The following VAV2 variants were observed in gnomAD, a reference collection of about 807,000 sequenced individuals.
VAV2 encodes the protein guanine nucleotide exchange factor VAV2.
A neutral mutation model predicts 132.5 loss-of-function variants in VAV2; 67 were observed. That is an observed-to-expected ratio of 0.51 (90% CI 0.42 to 0.62). The LOEUF is 0.62. Ranked by LOEUF, VAV2 falls within the 20% of genes least tolerant of loss-of-function variation. The pLI, the probability that VAV2 is intolerant of heterozygous loss-of-function variation, is 0.00. For missense variants in VAV2, 938 were observed against 1,153.6 expected, an observed-to-expected ratio of 0.81 and a Z score of 2.71; for synonymous variants, 492 against 443.5, an observed-to-expected ratio of 1.11 and a Z score of -1.37.
In VAV2 at chr9:133,879,593, C is replaced by A. The variant is rs1381369615; in HGVS notation, c.322-18161G>T. On this transcript the variant is annotated intron_variant, in intron 2 of 29. Transcript: ENST00000371850. This position sits in a 1 kb window ranked among gnomAD's most constrained non-coding sequence, Gnocchi z 4.4. ...TGACATTACAGACCCACAGGGCAAC[C>A]AAGTGCACATCTGAGTCCTCTGCCA... Among the ~76,000 whole-genome samples the A allele has an allele frequency of 1.3e-5, 2 of 152,172 alleles. No homozygotes were observed. The highest frequency in any genetic ancestry group is 4.8e-5 in the African/African-American group (2 of 41,444).
chr9:133,936,584 C>G (rs939299986), intron 2 of VAV2, among the ~76,000 whole-genome samples: 1 of 152,210 alleles, frequency 6.6e-6, no homozygotes, highest in Non-Finnish European at 1.5e-5. Flanking sequence ...GAGAGAAAAA[C>G]AGTAGGCACT....
chr9:133,862,897 C>T (rs1220473127), intron 2 of VAV2, among the ~76,000 whole-genome samples: 1 of 152,190 alleles, frequency 6.6e-6, no homozygotes, highest in African/African-American at 2.4e-5. Context: ...ATAGAGACGG[C>T]GGGTTCGACC....
chr9:133,936,102 A>G (rs1840898758), intron 2 of VAV2, among the ~76,000 whole-genome samples: 1 of 152,072 alleles, frequency 6.6e-6, no homozygotes, highest in African/African-American at 2.4e-5. Flanking sequence ...CCATTTTACA[A>G]ATGGGACTTG....
At chr9:133,811,147 C>T (rs528412673) in intron 5 of VAV2, among the ~76,000 whole-genome samples, 1 of 152,324 alleles carries the variant, frequency 6.6e-6, no homozygotes, top group South Asian at 2.1e-4. Context: ...GGGGAGACCC[C>T]CCGGTTATGG....
chr9:133,898,891 G>A (rs1033639671), intron 2 of VAV2, among the ~76,000 whole-genome samples: 3 of 140,938 alleles, frequency 2.1e-5, no homozygotes, highest in Non-Finnish European at 4.5e-5. Context: ...GCGCAATCTC[G>A]GCTCACTGCA....
At chr9:133,899,546 G>A (rs1839356441) in intron 2 of VAV2, among the ~76,000 whole-genome samples, 1 of 151,624 alleles carries the variant, frequency 6.6e-6, no homozygotes, top group East Asian at 2.0e-4. Context: ...GTAGCAAGAA[G>A]CTGGGATTAC....
At chr9:133,859,346 G>C (rs1288119866) in intron 3 of VAV2, among the ~76,000 whole-genome samples, 1 of 152,220 alleles carries the variant, frequency 6.6e-6, no homozygotes, top group African/African-American at 2.4e-5. Flanking sequence ...GGCACAGCTG[G>C]GACCCAGGAC....
intron 1 of VAV2, among the ~76,000 whole-genome samples, chr9:133,954,091 G>C (rs929823458): frequency 6.6e-6 from 1 of 152,180 alleles, no homozygotes; most frequent in Non-Finnish European, 1.5e-5. Flanking sequence ...CAACAAACAC[G>C]GCCGAAACCG....
chr9:133,902,140 C>G (rs994267625), intron 2 of VAV2, among the ~76,000 whole-genome samples: 3 of 151,370 alleles, frequency 2.0e-5, no homozygotes, highest in Admixed American at 1.3e-4. Flanking sequence ...CAATTTAAGG[C>G]CAGGCCCATC....
At chr9:133,964,595 C>T (rs1364607153) in intron 1 of VAV2, among the ~76,000 whole-genome samples, 1 of 151,990 alleles carries the variant, frequency 6.6e-6, no homozygotes, top group African/African-American at 2.4e-5. Flanking sequence ...AAACCAAATC[C>T]AACAACACAA....
At chr9:133,818,180 T>C (rs547733522) in intron 4 of VAV2, among the ~76,000 whole-genome samples, 12 of 151,854 alleles carry the variant, frequency 7.9e-5, no homozygotes, top group African/African-American at 1.4e-4. Flanking sequence ...CTGTCTAACA[T>C]GATGAAAACC....
At chr9:133,812,346 A>C (rs1835392148) in intron 4 of VAV2, 130 bp from the exon 5 acceptor site, 2 of 797,314 alleles carry the variant, frequency 2.5e-6, no homozygotes, top group African/African-American at 3.4e-5. Context: ...CCCGGGCCTC[A>C]GTCTACAAAG....
intron 29 of VAV2, among the ~76,000 whole-genome samples, chr9:133,765,973 G>A (rs1242723087): frequency 6.6e-6 from 1 of 152,152 alleles, no homozygotes; most frequent in Non-Finnish European, 1.5e-5. Flanking sequence ...ATTTTACAAT[G>A]TGAATATTTA....
rs1834780045 is a variant in VAV2 at position 133,797,818 on chromosome 9, TGCACACACAC to T, written c.837-19_837-10del. On this transcript the variant is annotated splice_polypyrimidine_tract_variant and intron_variant, in intron 9 of 29. Coordinates refer to ENST00000371850, the MANE Select transcript of VAV2 (RefSeq NM_001134398.2). ...CCCCGTAGATCAGAAGCCTGGACGG[TGCACACACAC>T]GCACACACGCACACAGATTTAATGA... 6.2e-7 allele frequency: 1 copy of T among 1,613,166 alleles called. No homozygotes were observed. Among genetic ancestry groups the T allele is most frequent in the Non-Finnish European group, 8.5e-7 (1 of 1,179,438 alleles).
chr9:133,899,822 C>A (rs1839367381), intron 2 of VAV2, among the ~76,000 whole-genome samples: 1 of 150,470 alleles, frequency 6.6e-6, no homozygotes, highest in Non-Finnish European at 1.5e-5. Context: ...GAGGTCGAGA[C>A]CATCCTGACT....
intron 1 of VAV2, among the ~76,000 whole-genome samples, chr9:133,950,718 C>T (rs1023185344): frequency 2.0e-5 from 3 of 152,206 alleles, no homozygotes; most frequent in African/African-American, 4.8e-5. Context: ...GCCTGCGCCT[C>T]GGCCCTCCGG....
intron 1 of VAV2, among the ~76,000 whole-genome samples, chr9:133,954,172 A>G (rs910166186): frequency 2.6e-5 from 4 of 152,180 alleles, no homozygotes; most frequent in Non-Finnish European, 5.9e-5. Context: ...TTTCGAGAAG[A>G]AAGAGTCAAT....
chr9:133,979,906 C>G lies in VAV2; in HGVS notation c.204+12169G>C, dbSNP rs879802756. On this transcript the variant is annotated intron_variant, in intron 1 of 29. Transcript: ENST00000371850. ...CAGCCCTGCCTTCTGCCTGCCTTCTCTCTCTCATCTGAAAGTGCCATCTTC... is the reference window on the plus strand; with the variant it reads ...CAGCCCTGCCTTCTGCCTGCCTTCTGTCTCTCATCTGAAAGTGCCATCTTC... 6.0e-4 allele frequency among the ~76,000 whole-genome samples: 91 copies of G among 152,358 alleles called. 1 individual carries two copies. The highest frequency in any genetic ancestry group is 3.5e-4 in the Non-Finnish European group (24 of 68,034).
intron 3 of VAV2, among the ~76,000 whole-genome samples, chr9:133,846,260 C>T (rs1050201105): frequency 6.6e-6 from 1 of 152,160 alleles, no homozygotes; most frequent in Non-Finnish European, 1.5e-5. Flanking sequence ...CCTGGGTCAT[C>T]GCAAGGGACT....
Sources: gnomAD v4.1 joint callset for allele counts (sites outside exome capture counted in the v4.1 genomes callset) on GRCh38, gnomAD v4.1.1 for gene constraint, Gnocchi (gnomAD v3.1) non-coding constraint, MANE v1.5 for transcripts, NCBI Gene and HGNC (gene_info 2026-07-23, HGNC 2026-07-21) for gene names.